The following AAK1 variants were observed in gnomAD, a reference collection of about 807,000 sequenced individuals.
AAK1 encodes the protein AP2 associated kinase 1.
In AAK1, 37 loss-of-function variants were observed where a neutral mutation model predicts 116.0. The observed-to-expected ratio is 0.32, with a 90% CI of 0.25 to 0.42. The LOEUF (loss-of-function observed/expected upper bound fraction) is 0.42, where lower values mean the gene tolerates loss of function less well. Among genes scored for constraint, AAK1 ranks in the 10% least tolerant of loss-of-function variants. The pLI, the probability that AAK1 is intolerant of heterozygous loss-of-function variation, is 1.00. For synonymous variants in AAK1, 458 were observed against 439.9 expected (o/e 1.04, Z -0.51); for missense variants, 919 against 1,170.6 (o/e 0.79, Z 3.14).
chr2:69,508,532 T>A (rs1488546020), intron 14 of AAK1, among the ~76,000 whole-genome samples: 1 of 152,204 alleles, frequency 6.6e-6, no homozygotes, highest in African/African-American at 2.4e-5. Flanking sequence ...TCACTGGATT[T>A]CCAAAGGTTG....
chr2:69,510,441 A>G (rs567773004), intron 13 of AAK1, among the ~76,000 whole-genome samples: 4 of 152,292 alleles, frequency 2.6e-5, no homozygotes, highest in African/African-American at 9.6e-5. Flanking sequence ...TCTTTATCCA[A>G]TCTCCCATTG....
chr2:69,575,543 C>T (rs886669426), intron 2 of AAK1, among the ~76,000 whole-genome samples: 3 of 148,220 alleles, frequency 2.0e-5, no homozygotes, highest in Non-Finnish European at 3.0e-5. Flanking sequence ...AATCTCGGCT[C>T]ACTGCAACCT....
rs1056724573 is a variant in AAK1, at chr2:69,603,602, T to C, written c.163+39276A>G. ...ATGTAGGTTCTCACCACTCAGATAC[T>C]ATCCATCCTCAGCTATGAAGGGCTC... On this transcript the variant is annotated intron_variant, in intron 2 of 21. Coordinates refer to ENST00000409085, the MANE Select transcript of AAK1 (RefSeq NM_014911.5). Among the ~76,000 whole-genome samples the C allele has an allele frequency of 3.3e-5, 5 of 152,162 alleles. No individual in the cohort carries two copies. In the East Asian group the frequency reaches 7.7e-4, roughly 23 times the overall value.
chr2:69,568,330 CTG>C (rs1460694498), intron 2 of AAK1, among the ~76,000 whole-genome samples: 1 of 151,844 alleles, frequency 6.6e-6, no homozygotes, highest in East Asian at 1.9e-4. Flanking sequence ...GGTTAAGTAA[CTG>C]TGAATCCTGA....
chr2:69,609,854 CCTGA>C (rs1222013760), intron 2 of AAK1, among the ~76,000 whole-genome samples: 1 of 151,858 alleles, frequency 6.6e-6, no homozygotes, highest in African/African-American at 2.4e-5. Flanking sequence ...TCGAGACCAT[CCTGA>C]CTAACATGGT....
chr2:69,535,569 G>A (rs1030809165), intron 5 of AAK1, among the ~76,000 whole-genome samples: 2 of 152,160 alleles, frequency 1.3e-5, no homozygotes, highest in Non-Finnish European at 2.9e-5. Context: ...GTAAGGTGAA[G>A]ACGAATGTTA....
intron 8 of AAK1, among the ~76,000 whole-genome samples, chr2:69,528,538 A>G (rs1670114903): frequency 6.6e-6 from 1 of 152,204 alleles, no homozygotes; most frequent in African/African-American, 2.4e-5. Flanking sequence ...ACACGACTGA[A>G]CCTTTCCTCT....
chr2:69,556,377 C>CA (rs1553415649), intron 3 of AAK1, among the ~76,000 whole-genome samples: 1 of 151,326 alleles, frequency 6.6e-6, no homozygotes, highest in Non-Finnish European at 1.5e-5. Context: ...GTTTCCAGGC[C>CA]AAAAAAGGGG....
chr2:69,492,518 CTTTTTTTTTT>C (rs987331929), intron 17 of AAK1, among the ~76,000 whole-genome samples: 1 of 83,398 alleles, frequency 1.2e-5, no homozygotes, highest in African/African-American at 5.3e-5. Context: ...CTGGCCAATT[CTTTTTTTTTT>C]TTTTTTTTTT....
Position 69,459,713 on chromosome 2 carries a change from A to T in AAK1, c.*16156T>A, listed in dbSNP as rs1326461388. 2 of 152,250 alleles carry T rather than the reference A, an allele frequency of 1.3e-5. No individual in the cohort carries two copies. The highest frequency in any genetic ancestry group is 4.8e-5 in the African/African-American group (2 of 41,472). 9.4% of individuals were successfully genotyped at this position (152,250 alleles called of 1,614,324 possible). On this transcript the variant is annotated 3_prime_UTR_variant, in exon 22 of 22. Transcript: ENST00000409085. ...TTATTGACATGCTCAAAATAGGGGA[A>T]TGTTAAGTAAGGAAATGAAGTGGGA...
rs1036715544 is a variant in AAK1, at chr2:69,609,627, G to A, written c.163+33251C>T. Among the ~76,000 whole-genome samples the A allele has an allele frequency of 4.6e-5, 7 of 151,844 alleles. No individual in the cohort carries two copies. In the East Asian group the frequency reaches 1.4e-3, roughly 29 times the overall value. ...TGCAGTGAGCCGAGATTGTGCCATT[G>A]CACCCCAGCCTGGGTGACACAGTGA... On this transcript the variant is annotated intron_variant, in intron 2 of 21. Transcript: ENST00000409085.
intron 17 of AAK1, among the ~76,000 whole-genome samples, chr2:69,494,563 C>G (rs1315021848): frequency 1.3e-5 from 2 of 152,198 alleles, no homozygotes; most frequent in African/African-American, 2.4e-5. Context: ...TCACCTCTTT[C>G]CCTTGTCTGA....
At chr2:69,513,603 G>C (rs1226478620) in intron 13 of AAK1, among the ~76,000 whole-genome samples, 1 of 152,166 alleles carries the variant, frequency 6.6e-6, no homozygotes, top group Non-Finnish European at 1.5e-5. Context: ...GATTACAGGC[G>C]TGAGGCCACT....
chr2:69,591,759 C>T (rs1358740397), intron 2 of AAK1, among the ~76,000 whole-genome samples: 1 of 151,900 alleles, frequency 6.6e-6, no homozygotes, highest in Admixed American at 6.6e-5. Context: ...TTAGCAGAGA[C>T]GGGGTTTCAT....
At chr2:69,579,421 A>G (rs1037253372) in intron 2 of AAK1, among the ~76,000 whole-genome samples, 16 of 152,150 alleles carry the variant, frequency 1.1e-4, no homozygotes, top group African/African-American at 3.9e-4. Context: ...TCTACAAAAA[A>G]TACAAAAATT....
At chr2:69,533,104 A>C (rs1479248428) in intron 5 of AAK1, among the ~76,000 whole-genome samples, 1 of 152,170 alleles carries the variant, frequency 6.6e-6, no homozygotes, top group Admixed American at 6.5e-5. Context: ...TGTAGTCTCC[A>C]TTGTCTTTTG....
chr2:69,470,962 C>T lies in AAK1; in HGVS notation c.*4907G>A. 1.0e-6 allele frequency: 1 copy of T among 985,822 alleles called. No individual in the cohort carries two copies. The highest frequency in any genetic ancestry group is 1.2e-6 in the Non-Finnish European group (1 of 829,898). The allele number at this position is 985,822 out of a possible 1,614,324, so 61.1% of individuals were successfully genotyped here. A position where few individuals can be genotyped will look rare whatever the true frequency, so the allele number is the denominator to read the frequency against. On this transcript the variant is annotated 3_prime_UTR_variant, in exon 22 of 22. Coordinates refer to ENST00000409085, the MANE Select transcript of AAK1 (RefSeq NM_014911.5). ...AAGTCTTTATTCCCCTGTATGTTTA[C>T]ATAAGAAAGTTCTTTACAGACTTTT...
Position 69,469,361 on chromosome 2 carries a change from T to C in AAK1, c.*6508A>G, listed in dbSNP as rs1043797458. 2.9e-5 allele frequency: 29 copies of C among 985,300 alleles called. No homozygotes were observed. The highest frequency in any genetic ancestry group is 6.1e-5 in the Admixed American group (1 of 16,268). The allele number at this position is 985,300 out of a possible 1,614,324, so 61.0% of individuals were successfully genotyped here. A position where few individuals can be genotyped will look rare whatever the true frequency, so the allele number is the denominator to read the frequency against. On this transcript the variant is annotated 3_prime_UTR_variant, in exon 22 of 22. Transcript: ENST00000409085. ...TTCCAAATATACTAGAAACAGAAGGTAACCATTAAATCTTGTTGGCAGATA... is the reference window on the plus strand; with the variant it reads ...TTCCAAATATACTAGAAACAGAAGGCAACCATTAAATCTTGTTGGCAGATA...
At chr2:69,545,659 T>G (rs1161723251) in intron 3 of AAK1, among the ~76,000 whole-genome samples, 2 of 152,202 alleles carry the variant, frequency 1.3e-5, no homozygotes, top group Non-Finnish European at 2.9e-5. Flanking sequence ...GGCATCAAAG[T>G]TAAAACTCAT....
Sources: allele counts gnomAD v4.1 joint callset (sites outside exome capture counted in the v4.1 genomes callset), GRCh38; gene constraint gnomAD v4.1.1; transcripts MANE v1.5; gene names NCBI Gene and HGNC (gene_info 2026-07-23, HGNC 2026-07-21).